MIOS: variants seen among roughly 807,000 people sequenced by gnomAD.
MIOS encodes GATOR2 complex protein MIOS.
MIOS carries 52 observed loss-of-function variants against 96.9 expected under a neutral mutation model. The observed-to-expected ratio is 0.54, with a 90% CI of 0.43 to 0.68. MIOS has a LOEUF of 0.68. Among genes scored for constraint, MIOS ranks in the 30% least tolerant of loss-of-function variants. The pLI is 0.00. For synonymous variants in MIOS, 397 were observed against 359.5 expected (o/e 1.10, Z -1.18); for missense variants, 1,005 against 1,052.8 (o/e 0.95, Z 0.63).
At chr7:7,604,240 G>A (rs1318160116) in intron 11 of MIOS, among the ~76,000 whole-genome samples, 1 of 151,870 alleles carries the variant, frequency 6.6e-6, no homozygotes. Flanking sequence ...ATAAAGTGCT[G>A]GCTAGTGGCT....
intron 9 of MIOS, among the ~76,000 whole-genome samples, chr7:7,594,353 C>T (rs1784141384): frequency 6.6e-6 from 1 of 151,192 alleles, no homozygotes; most frequent in African/African-American, 2.4e-5. Context: ...GTCACCCAGA[C>T]TACAGTGCAA....
intron 9 of MIOS, among the ~76,000 whole-genome samples, chr7:7,591,164 C>G (rs1390088087): frequency 1.3e-5 from 2 of 152,014 alleles, no homozygotes; most frequent in African/African-American, 4.8e-5. Flanking sequence ...CTGAAAATGT[C>G]TATTTCACTC....
chr7:7,597,363 A>G (rs1184039109), intron 11 of MIOS, among the ~76,000 whole-genome samples: 1 of 148,438 alleles, frequency 6.7e-6, no homozygotes, highest in Non-Finnish European at 1.5e-5. Flanking sequence ...TTAAAAAATA[A>G]TAATAAATAA....
At chr7:7,567,331 TG>T (rs1208578679) in intron 1 of MIOS, 2 of 152,066 alleles carry the variant, frequency 1.3e-5, no homozygotes, top group Non-Finnish European at 2.9e-5. Context: ...GGCGGGCTTG[TG>T]GGGAGCGGCG....
chr7:7,602,562 A>G (rs1784410820), intron 11 of MIOS, among the ~76,000 whole-genome samples: 2 of 152,208 alleles, frequency 1.3e-5, no homozygotes, highest in Non-Finnish European at 2.9e-5. Context: ...CTACTGCTCA[A>G]GGAAATAAAA....
chr7:7,577,987 T>G lies in MIOS; in HGVS notation c.1393+3791T>G, dbSNP rs561537588. ...GATGAAAATGAAGACAGGATAAGAC[T>G]GATAAGTAAAAATAATAGTGGTGAA... On this transcript the variant is annotated intron_variant, in intron 5 of 12. Transcript: ENST00000340080. 2.4e-3 allele frequency among the ~76,000 whole-genome samples: 364 copies of G among 152,312 alleles called. 1 individual carries two copies. The highest frequency in any genetic ancestry group is 8.4e-3 in the African/African-American group (349 of 41,574).
chr7:7,577,047 C>G (rs1204929398), intron 5 of MIOS, among the ~76,000 whole-genome samples: 1 of 152,076 alleles, frequency 6.6e-6, no homozygotes, highest in Admixed American at 6.6e-5. Flanking sequence ...GATATCAGTT[C>G]AAAGCCCAGG....
intron 1 of MIOS, 158 bp downstream of exon 1, chr7:7,567,230 G>A (rs1583615804): frequency 6.6e-6 from 1 of 152,402 alleles, no homozygotes; most frequent in South Asian, 2.1e-4. Flanking sequence ...GCCTGGCCGG[G>A]CCTCAGCGGG....
chr7:7,567,318 C>T (rs564874568), intron 1 of MIOS: 11 of 151,920 alleles, frequency 7.2e-5, no homozygotes, highest in Non-Finnish European at 1.6e-4. Flanking sequence ...CAGCCTTCGC[C>T]GCGGCGGGCT....
chr7:7,589,708 C>G, intron 9 of MIOS, 145 bp downstream of exon 9: 4 of 828,410 alleles, frequency 4.8e-6, no homozygotes, highest in Non-Finnish European at 7.2e-6. Context: ...CTACTGAAGA[C>G]TTGTGCCTTA....
In MIOS at chr7:7,591,908, A is replaced by T. The variant is rs147557318; in HGVS notation, c.2043+2345A>T. Among the ~76,000 whole-genome samples the T allele has an allele frequency of 3.1e-3, 466 of 151,526 alleles. 2 individuals carry two copies. Among genetic ancestry groups the T allele is most frequent in the African/African-American group, 0.011 (448 of 41,304 alleles). Reference sequence around the variant, plus strand: ...TATTACATATGTATTAAACCACTTCATAGTGTTCGTAGGTGCCTGAGGCTC... The same window carrying T: ...TATTACATATGTATTAAACCACTTCTTAGTGTTCGTAGGTGCCTGAGGCTC... On this transcript the variant is annotated intron_variant, in intron 9 of 12. Coordinates refer to ENST00000340080, the MANE Select transcript of MIOS (RefSeq NM_019005.4).
intron 3 of MIOS, among the ~76,000 whole-genome samples, chr7:7,571,079 G>A (rs916778715): frequency 4.0e-4 from 61 of 152,212 alleles, no homozygotes; most frequent in African/African-American, 1.4e-3. Flanking sequence ...TGGCACTAAG[G>A]ATAGAGAGGT....
At chr7:7,570,843 T>A (rs1433766669) in intron 3 of MIOS, among the ~76,000 whole-genome samples, 1 of 152,170 alleles carries the variant, frequency 6.6e-6, no homozygotes, top group Non-Finnish European at 1.5e-5. Flanking sequence ...CTCCCTTGCC[T>A]GCTGCTCACC....
rs1188747419 is a variant in MIOS, at chr7:7,589,440, G to C, written c.1920G>C (p.Met640Ile). The change falls in exon 9 of 13, where the codon ATG (methionine) becomes ATC (isoleucine). Residue 640 changes from methionine (M) to isoleucine (I), a missense_variant. By Grantham distance (10) the Met-to-Ile change is conservative. This residue lies in a region of MIOS where 865 missense variants were observed against 887.9 expected (regional missense o/e 0.97). Transcript: ENST00000340080. ...ACATCGAAAAGTTGACCAATGAAAT[G>C]AAAGAGGCTGGAAATTTGGAAGGAA... is the stretch of plus-strand genomic sequence containing the variant. ...NRYIEKLTNE[M>I]KEAGNLEGIL... 1.9e-6 allele frequency: 3 copies of C among 1,613,426 alleles called. No individual in the cohort carries two copies. Among genetic ancestry groups the C allele is most frequent in the African/African-American group, 1.3e-5 (1 of 74,890 alleles).
rs1262942842 is a variant in MIOS, at chr7:7,607,689, G to A, written c.*597G>A. 6.6e-6 allele frequency: 1 copy of A among 152,004 alleles called. No individual in the cohort carries two copies. Among genetic ancestry groups the A allele is most frequent in the Non-Finnish European group, 1.5e-5 (1 of 68,012 alleles). The allele number at this position is 152,004 out of a possible 1,614,324, so 9.4% of individuals were successfully genotyped here. A position where few individuals can be genotyped will look rare whatever the true frequency, so the allele number is the denominator to read the frequency against. On this transcript the variant is annotated 3_prime_UTR_variant, in exon 13 of 13. Transcript: ENST00000340080. ...ATGTATAAATATGTATTTTTTAAAG[G>A]AGCCTTTTCCCTCCTTTGATTTTAA...
intron 7 of MIOS, among the ~76,000 whole-genome samples, chr7:7,587,075 A>G (rs758099273): frequency 2.0e-5 from 3 of 150,242 alleles, no homozygotes; most frequent in Non-Finnish European, 4.4e-5. Context: ...CAGTGGTGCA[A>G]TGGCAGCTCA....
intron 11 of MIOS, among the ~76,000 whole-genome samples, chr7:7,597,679 C>G (rs1296162741): frequency 2.0e-5 from 3 of 151,116 alleles, no homozygotes; most frequent in East Asian, 3.9e-4. Flanking sequence ...CACACACACA[C>G]AGTGTTCGTT....
intron 9 of MIOS, among the ~76,000 whole-genome samples, chr7:7,593,964 G>C (rs1784129306): frequency 6.6e-6 from 1 of 151,694 alleles, no homozygotes. Context: ...CAGCTGCCAG[G>C]GAAAATACAA....
chr7:7,572,785 A>G lies in MIOS; in HGVS notation c.310A>G (p.Ile104Val). Residue 104 changes from isoleucine to valine, a missense_variant, in exon 4 of 13, where the codon ATA becomes GTA. Coordinates refer to ENST00000340080, the MANE Select transcript of MIOS (RefSeq NM_019005.4). The surrounding 1 kb of genome is among the most constrained non-coding windows in gnomAD (Gnocchi z 4.8). The part of the protein sequence containing the change: ...QDHNSKFKDL[I>V]GKEFVPKHAR... ...TCATAACTCAAAGTTCAAAGATTTGATAGGAAAAGAGTTTGTTCCAAAACA... is the reference window on the plus strand; with the variant it reads ...TCATAACTCAAAGTTCAAAGATTTGGTAGGAAAAGAGTTTGTTCCAAAACA... The G allele has an allele frequency of 6.2e-7, 1 of 1,614,014 alleles. No individual in the cohort carries two copies. Among genetic ancestry groups the G allele is most frequent in the Non-Finnish European group, 8.5e-7 (1 of 1,179,874 alleles).
Sources: gnomAD v4.1 joint callset for allele counts (sites outside exome capture counted in the v4.1 genomes callset) on GRCh38, gnomAD v4.1.1 for gene constraint, gnomAD v4.1.1 regional missense constraint, Gnocchi (gnomAD v3.1) non-coding constraint, MANE v1.5 for transcripts, NCBI Gene and HGNC (gene_info 2026-07-23, HGNC 2026-07-21) for gene names.